Variants in UGGT2 observed in about 807,000 individuals in gnomAD.
The protein encoded by UGGT2 is UDP-glucose glycoprotein glucosyltransferase 2, also known as UDP-glucose:glycoprotein glucosyltransferase 2.
In UGGT2, 180 loss-of-function variants were observed where a neutral mutation model predicts 192.1. The ratio of observed to expected loss-of-function variants is 0.94; its 90% confidence interval spans 0.83 to 1.06. The LOEUF (loss-of-function observed/expected upper bound fraction) is 1.06. Among genes scored for constraint, UGGT2 ranks in the 50% least tolerant of loss-of-function variants. The pLI, the probability that UGGT2 is intolerant of heterozygous loss-of-function variation, is 0.00. For missense variants in UGGT2, 1,849 were observed against 1,795.7 expected, an observed-to-expected ratio of 1.03 and a Z score of -0.54; for synonymous variants, 580 against 591.0, an observed-to-expected ratio of 0.98 and a Z score of 0.27.
chr13:95,837,016 CAGAA>C (rs1887363617), intron 37 of UGGT2, 66 bp downstream of exon 37: 1 of 1,223,700 alleles, frequency 8.2e-7, no homozygotes, highest in East Asian at 2.3e-5. Context: ...CTTTGTAAAA[CAGAA>C]AGAAAATATT....
chr13:95,986,543 A>G, intron 8 of UGGT2, 111 bp from the exon 9 acceptor site: 1 of 726,592 alleles, frequency 1.4e-6, no homozygotes, highest in African/African-American at 1.8e-5. Context: ...TTAGTATACA[A>G]ACATGTTAAT....
chr13:95,992,088 G>A (rs544529580), intron 7 of UGGT2, among the ~76,000 whole-genome samples: 11 of 152,200 alleles, frequency 7.2e-5, no homozygotes, highest in African/African-American at 1.4e-4. Context: ...GCTTGAACCC[G>A]GGAGGCAGAG....
intron 10 of UGGT2, among the ~76,000 whole-genome samples, chr13:95,982,458 G>C (rs1472719239): frequency 6.6e-6 from 1 of 152,164 alleles, no homozygotes; most frequent in East Asian, 1.9e-4. Context: ...CAGCAGCCAA[G>C]TGGAAAGCCC....
chr13:96,053,366 C>A lies in UGGT2; in HGVS notation c.-54G>T. ...GGACCCGGTACCCACAGTCTGTGGCCGCCACGCTTCGGCCGGCTCTTCCCG... is the reference window on the plus strand; with the variant it reads ...GGACCCGGTACCCACAGTCTGTGGCAGCCACGCTTCGGCCGGCTCTTCCCG... On this transcript the variant is annotated 5_prime_UTR_variant, in exon 1 of 39. Transcript: ENST00000376747. 1.3e-6 allele frequency: 2 copies of A among 1,541,080 alleles called. No individual in the cohort carries two copies. The highest frequency in any genetic ancestry group is 8.7e-7 in the Non-Finnish European group (1 of 1,154,790).
At chr13:96,022,969 A>G (rs1414113896) in intron 4 of UGGT2, 71 bp downstream of exon 4, 40 of 1,096,332 alleles carry the variant, frequency 3.6e-5, no homozygotes, top group Non-Finnish European at 4.5e-5. Context: ...TTTTTTTATT[A>G]TAAGAAGTTT....
At chr13:95,906,700 T>C (rs1243605821) in intron 20 of UGGT2, among the ~76,000 whole-genome samples, 1 of 152,194 alleles carries the variant, frequency 6.6e-6, no homozygotes, top group Non-Finnish European at 1.5e-5. Flanking sequence ...AGCTAAAATC[T>C]TGAAAAGAAG....
At chr13:95,893,295 A>G (rs1450800537) in intron 24 of UGGT2, among the ~76,000 whole-genome samples, 2 of 152,184 alleles carry the variant, frequency 1.3e-5, no homozygotes, top group African/African-American at 4.8e-5. Flanking sequence ...ATGACTCCCT[A>G]TAGACATAGA....
intron 2 of UGGT2, among the ~76,000 whole-genome samples, chr13:96,024,587 G>A (rs1262629293): frequency 6.6e-6 from 1 of 152,206 alleles, no homozygotes; most frequent in Non-Finnish European, 1.5e-5. Context: ...GGGCCAGCCA[G>A]AGATGGTAAG....
chr13:96,010,784 CAAG>C (rs1165273136), intron 5 of UGGT2, among the ~76,000 whole-genome samples: 6 of 152,034 alleles, frequency 3.9e-5, no homozygotes, highest in Non-Finnish European at 8.8e-5. Context: ...TTAAAGTTCA[CAAG>C]AAGAGACAAA....
chr13:96,035,736 A>G (rs1370711798), intron 1 of UGGT2, among the ~76,000 whole-genome samples: 1 of 152,238 alleles, frequency 6.6e-6, no homozygotes, highest in Non-Finnish European at 1.5e-5. Flanking sequence ...GACCCCATTA[A>G]AAAGTGGGCA....
At chr13:95,805,945 A>G (rs1378422111) in intron 38 of UGGT2, among the ~76,000 whole-genome samples, 1 of 151,932 alleles carries the variant, frequency 6.6e-6, no homozygotes, top group East Asian at 1.9e-4. Context: ...AAAATACATA[A>G]AAATGGTATA....
chr13:95,837,405 C>T (rs1170123232), intron 36 of UGGT2, among the ~76,000 whole-genome samples: 1 of 152,148 alleles, frequency 6.6e-6, no homozygotes, highest in Non-Finnish European at 1.5e-5. Flanking sequence ...CTGGAATATA[C>T]CTACATCTCT....
chr13:95,925,910 T>C (rs1314129188), intron 19 of UGGT2, 136 bp from the exon 20 acceptor site: 1 of 514,384 alleles, frequency 1.9e-6, no homozygotes, highest in Non-Finnish European at 3.4e-6. Context: ...TAAAATGTTA[T>C]GTGTGAATGT....
chr13:95,845,543 A>C (rs936841769), intron 36 of UGGT2, among the ~76,000 whole-genome samples: 2 of 151,804 alleles, frequency 1.3e-5, no homozygotes, highest in African/African-American at 4.8e-5. Context: ...AGTACAGAAC[A>C]AAATGGAGTC....
chr13:96,014,798 T>C (rs1420679843), intron 4 of UGGT2, among the ~76,000 whole-genome samples: 1 of 152,192 alleles, frequency 6.6e-6, no homozygotes, highest in Non-Finnish European at 1.5e-5. Flanking sequence ...ATTAAAATTA[T>C]TCTCATAAAT....
chr13:96,036,850 T>G (rs1380985941), intron 1 of UGGT2, among the ~76,000 whole-genome samples: 3 of 150,438 alleles, frequency 2.0e-5, no homozygotes, highest in Non-Finnish European at 4.4e-5. Flanking sequence ...GCCTGGGAGG[T>G]CTCAAGCGAT....
Position 95,999,041 on chromosome 13 carries a change from T to C in UGGT2, c.757+170A>G, listed in dbSNP as rs761152113. Reference sequence around the variant, plus strand: ...TTGATAACCAATAATATTAAATACATTTCTTTCAGCTGAAAATTTAATTCC... The same window carrying C: ...TTGATAACCAATAATATTAAATACACTTCTTTCAGCTGAAAATTTAATTCC... On this transcript the variant is annotated intron_variant, in intron 6 of 38. Transcript: ENST00000376747. Among the ~76,000 whole-genome samples, 7 of 152,200 alleles carry C rather than the reference T, an allele frequency of 4.6e-5. No homozygotes were observed. In the South Asian group the frequency reaches 8.3e-4, roughly 18 times the overall value.
chr13:95,893,909 C>A (rs1184483710), intron 24 of UGGT2, among the ~76,000 whole-genome samples: 1 of 152,206 alleles, frequency 6.6e-6, no homozygotes, highest in Non-Finnish European at 1.5e-5. Flanking sequence ...CCTTGGTCCA[C>A]GCAGCAGCTT....
At chr13:95,903,337 A>T (rs753575483) in intron 20 of UGGT2, among the ~76,000 whole-genome samples, 10 of 152,178 alleles carry the variant, frequency 6.6e-5, no homozygotes, top group Non-Finnish European at 1.0e-4. Context: ...AATAAAAAAT[A>T]CACAAAACAA....
Sources: gnomAD v4.1 joint callset for allele counts (sites outside exome capture counted in the v4.1 genomes callset) on GRCh38, gnomAD v4.1.1 for gene constraint, MANE v1.5 for transcripts, NCBI Gene and HGNC (gene_info 2026-07-23, HGNC 2026-07-21) for gene names.